KMT2C: variants seen among roughly 807,000 people sequenced by gnomAD.
KMT2C encodes histone-lysine N-methyltransferase 2C.
In KMT2C, 88 loss-of-function variants were observed where a neutral mutation model predicts 507.9. That is an observed-to-expected ratio of 0.17 (90% CI 0.15 to 0.21). The LOEUF (loss-of-function observed/expected upper bound fraction) is 0.21, where lower values mean the gene tolerates loss of function less well. Ranked by LOEUF, KMT2C falls within the 10% of genes least tolerant of loss-of-function variation. The pLI, the probability that KMT2C is intolerant of heterozygous loss-of-function variation, is 1.00. For synonymous variants in KMT2C, 2,049 were observed against 2,080.8 expected (o/e 0.98, Z 0.42); for missense variants, 4,954 against 5,957.8 (o/e 0.83, Z 5.55).
At chr7:152,275,762 G>A (rs572782213) in intron 6 of KMT2C, among the ~76,000 whole-genome samples, 195 of 152,166 alleles carry the variant, frequency 1.3e-3, no homozygotes, top group Admixed American at 3.1e-3. Context: ...CGTAAATGTC[G>A]AAAGGAAAAG....
intron 7 of KMT2C, among the ~76,000 whole-genome samples, chr7:152,266,298 G>C (rs2095857247): frequency 6.6e-6 from 1 of 151,394 alleles, no homozygotes; most frequent in African/African-American, 2.4e-5. Flanking sequence ...AGGCTAGAGT[G>C]CAATGGCACG....
rs1008340561 is a variant in KMT2C at position 152,145,025 on chromosome 7, C to A, written c.14174+128G>T. 2.9e-6 allele frequency: 4 copies of A among 1,381,100 alleles called. No individual in the cohort carries two copies. The Admixed American group carries it at 6.8e-5, about 23-fold the overall frequency. The allele number at this position is 1,381,100 out of a possible 1,614,324, so 85.6% of individuals were successfully genotyped here. A position where few individuals can be genotyped will look rare whatever the true frequency, so the allele number is the denominator to read the frequency against. The stretch of plus-strand genomic sequence containing the variant: ...GCCTAGCAGAGACACACGGCGAGTT[C>A]TCTTATGTAGTTGGGCACATACACA... On this transcript the variant is annotated intron_variant, in intron 54 of 58. Coordinates refer to ENST00000262189, the MANE Select transcript of KMT2C (RefSeq NM_170606.3).
At chr7:152,197,268 G>C (rs761674048) in intron 27 of KMT2C, among the ~76,000 whole-genome samples, 1 of 152,148 alleles carries the variant, frequency 6.6e-6, no homozygotes, top group Non-Finnish European at 1.5e-5. Context: ...AGGATTCTAC[G>C]GGTTTGGGCT....
intron 43 of KMT2C, among the ~76,000 whole-genome samples, chr7:152,159,609 A>C (rs974164189): frequency 1.3e-5 from 2 of 152,254 alleles, no homozygotes; most frequent in Non-Finnish European, 2.9e-5. Flanking sequence ...TGGTTCTTCA[A>C]ATTAGTTCAC....
intron 50 of KMT2C, 150 bp downstream of exon 50, chr7:152,151,292 G>T: frequency 1.3e-6 from 1 of 771,704 alleles, no homozygotes; most frequent in Non-Finnish European, 2.1e-6. Flanking sequence ...TTCAGCCCAA[G>T]CACATCTGAT....
At chr7:152,309,133 C>A (rs2096647033) in intron 6 of KMT2C, among the ~76,000 whole-genome samples, 1 of 152,088 alleles carries the variant, frequency 6.6e-6, no homozygotes, top group East Asian at 1.9e-4. Flanking sequence ...CAAATATTTT[C>A]TTTCATTTTA....
At position 152,435,809 on chromosome 7, in the gene KMT2C, T is replaced by C. The variant is rs780108675; in HGVS notation, c.-23A>G. On this transcript the variant is annotated 5_prime_UTR_variant, in exon 1 of 59. An upstream start codon of the reference 5' UTR is lost. Coordinates refer to ENST00000262189, the MANE Select transcript of KMT2C (RefSeq NM_170606.3). Reference sequence around the variant, plus strand: ...CATCCTAGTCACCAGGAAAGACACATGGATCCCGGTCCTCCTCCTGGGGGG... The same window carrying C: ...CATCCTAGTCACCAGGAAAGACACACGGATCCCGGTCCTCCTCCTGGGGGG... 1.6e-6 allele frequency: 2 copies of C among 1,230,550 alleles called. No homozygotes were observed. Among genetic ancestry groups the C allele is most frequent in the East Asian group, 8.7e-5 (2 of 22,990 alleles). The allele number at this position is 1,230,550 out of a possible 1,614,324, so 76.2% of individuals were successfully genotyped here.
intron 12 of KMT2C, among the ~76,000 whole-genome samples, chr7:152,250,319 C>A (rs2129165797): frequency 6.6e-6 from 1 of 152,220 alleles, no homozygotes; most frequent in South Asian, 2.1e-4. Context: ...TACAACTTCA[C>A]ATACAACACC....
chr7:152,147,250 A>C lies in KMT2C; in HGVS notation c.13895-515T>G, dbSNP rs559083697. Among the ~76,000 whole-genome samples the C allele has an allele frequency of 5.9e-5, 9 of 152,324 alleles. No homozygotes were observed. In the South Asian group the frequency reaches 1.9e-3, roughly 32 times the overall value. ...TAAGCAAAAGTGACAATCTAGACTT[A>C]ACCATGGAGGTCCAAACTAAGTGTT... On this transcript the variant is annotated intron_variant, in intron 52 of 58. Transcript: ENST00000262189.
intron 6 of KMT2C, among the ~76,000 whole-genome samples, chr7:152,295,439 C>T (rs1237529684): frequency 2.0e-5 from 3 of 152,174 alleles, no homozygotes; most frequent in African/African-American, 7.2e-5. Context: ...TCCATATACC[C>T]TCATAGTTTC....
intron 6 of KMT2C, among the ~76,000 whole-genome samples, chr7:152,305,696 T>A (rs2096610279): frequency 6.6e-6 from 1 of 152,188 alleles, no homozygotes; most frequent in Non-Finnish European, 1.5e-5. Flanking sequence ...ATCATTATTT[T>A]TGTGGTTGCT....
chr7:152,340,294 T>C (rs1348506487), intron 2 of KMT2C, among the ~76,000 whole-genome samples: 1 of 151,960 alleles, frequency 6.6e-6, no homozygotes, highest in Non-Finnish European at 1.5e-5. Context: ...ATGCCCAGCC[T>C]AATCAGCTAT....
Position 152,146,606 on chromosome 7 carries a change from G to A in KMT2C, c.14024C>T (p.Ala4675Val), listed in dbSNP as rs775326119. 11 of 1,614,022 alleles carry A rather than the reference G, an allele frequency of 6.8e-6. No homozygotes were observed. The highest frequency in any genetic ancestry group is 5.0e-5 in the Admixed American group (3 of 60,018). ...GLTVSAVARI[A>V]ESLPGVEACE... ...CCTGACCAAGACACTCACTGATTCC[G>A]CTATGCGTGCCACTGCAGAGACGGT... The change falls in exon 53 of 59, where the codon GCG (alanine) becomes GTG (valine). Residue 4675 changes from alanine to valine, a missense_variant. Ala to Val is a moderately conservative substitution (Grantham distance 64). Around this residue, in one of 29 missense-constraint regions of KMT2C, gnomAD observed 221 missense variants for 304.7 expected, o/e 0.73. Coordinates refer to ENST00000262189, the MANE Select transcript of KMT2C (RefSeq NM_170606.3).
chr7:152,340,674 G>A (rs2096983183), intron 2 of KMT2C, among the ~76,000 whole-genome samples: 1 of 152,200 alleles, frequency 6.6e-6, no homozygotes, highest in East Asian at 1.9e-4. Context: ...CACAAAAAAA[G>A]CACTAATTTT....
At chr7:152,283,340 G>GA (rs1269247147) in intron 6 of KMT2C, among the ~76,000 whole-genome samples, 3 of 151,874 alleles carry the variant, frequency 2.0e-5, no homozygotes, top group Non-Finnish European at 4.4e-5. Context: ...CAAAAAGTGG[G>GA]AAAAAATTTA....
chr7:152,435,508 C>T, intron 1 of KMT2C, 118 bp downstream of exon 1: 1 of 377,194 alleles, frequency 2.7e-6, no homozygotes, highest in South Asian at 1.1e-4. Context: ...CGGGCCCGCC[C>T]CGCCCCCACC....
chr7:152,297,031 A>AAGAAAGAAAGAAAGAAAGAC (rs2096510006), intron 6 of KMT2C, among the ~76,000 whole-genome samples: 1 of 97,428 alleles, frequency 1.0e-5, no homozygotes, highest in African/African-American at 5.2e-5. Flanking sequence ...GAAAGAAAGA[A>AAGAAAGAAAGAAAGAAAGAC]AGAAAGAAAG....
intron 48 of KMT2C, among the ~76,000 whole-genome samples, chr7:152,153,288 C>A (rs1203086808): frequency 3.3e-5 from 5 of 152,180 alleles, no homozygotes; most frequent in Admixed American, 6.5e-5. Context: ...AGGGGCTTCC[C>A]TCCAGCTCTG....
chr7:152,428,883 C>T (rs543666098), intron 1 of KMT2C, among the ~76,000 whole-genome samples: 1 of 152,244 alleles, frequency 6.6e-6, no homozygotes, highest in South Asian at 2.1e-4. Flanking sequence ...TACCTGCTCC[C>T]TGTAAACAGT....
Sources: allele counts gnomAD v4.1 joint callset (sites outside exome capture counted in the v4.1 genomes callset), GRCh38; gene constraint gnomAD v4.1.1; regional missense constraint gnomAD v4.1.1; transcripts MANE v1.5; gene names NCBI Gene and HGNC (gene_info 2026-07-23, HGNC 2026-07-21).